The following GRK4 variants were observed in gnomAD, a reference collection of about 807,000 sequenced individuals.
GRK4 encodes G protein-coupled receptor kinase 4.
A neutral mutation model predicts 77.9 loss-of-function variants in GRK4; 73 were observed. The ratio of observed to expected loss-of-function variants is 0.94; its 90% CI spans 0.78 to 1.14. The LOEUF is 1.14. GRK4 is among the 50% of genes most tolerant of loss of function. GRK4 has a pLI of 0.00. For missense variants in GRK4, 729 were observed against 700.2 expected, an observed-to-expected ratio of 1.04 and a Z score of -0.46; for synonymous variants, 257 against 254.4, an observed-to-expected ratio of 1.01 and a Z score of -0.10.
Position 3,035,458 on chromosome 4 carries a change from G to A in GRK4, c.1342G>A (p.Val448Met), listed in dbSNP as rs547383255. 25 of 1,613,778 alleles carry A rather than the reference G, an allele frequency of 1.5e-5. No individual in the cohort carries two copies. In the East Asian group the frequency reaches 2.5e-4, roughly 16 times the overall value. The change falls in exon 13 of 16, where the codon GTG (valine) becomes ATG (methionine). Residue 448 changes from valine (V) to methionine (M), a missense_variant. By Grantham distance (21) the Val-to-Met change is conservative. Transcript: ENST00000398052. ...AGCGGCTGGGGTGAAGCAGCACCCC[G>A]TGTTCAAGGACATCAACTTCAGGAG... ...EGAAGVKQHP[V>M]FKDINFRRLE...
At chr4:3,020,198 G>T (rs1735679953) in intron 9 of GRK4, among the ~76,000 whole-genome samples, 1 of 152,026 alleles carries the variant, frequency 6.6e-6, no homozygotes, top group African/African-American at 2.4e-5. Context: ...AGAGATGGGG[G>T]TCTCACCATG....
chr4:2,974,902 G>A (rs745423683), intron 1 of GRK4, among the ~76,000 whole-genome samples: 3 of 152,214 alleles, frequency 2.0e-5, no homozygotes, highest in Non-Finnish European at 2.9e-5. Context: ...ATGGGAGTGC[G>A]TCTTGAGTTG....
chr4:3,029,596 AC>A (rs1464827098), intron 12 of GRK4, among the ~76,000 whole-genome samples, 187 bp downstream of exon 12: 1 of 152,120 alleles, frequency 6.6e-6, no homozygotes, highest in Non-Finnish European at 1.5e-5. Context: ...GCTCGGGTCC[AC>A]CTGTGTCTTG....
chr4:3,034,035 G>C (rs1027653620), intron 12 of GRK4, among the ~76,000 whole-genome samples: 3 of 152,228 alleles, frequency 2.0e-5, no homozygotes, highest in Non-Finnish European at 4.4e-5. Flanking sequence ...TAGCAGGACA[G>C]CCTGGCAATA....
intron 4 of GRK4, among the ~76,000 whole-genome samples, chr4:2,998,888 T>C (rs891817642): frequency 1.3e-5 from 2 of 152,128 alleles, no homozygotes; most frequent in African/African-American, 4.8e-5. Context: ...CTCATATGGA[T>C]AGTCAAGGGA....
intron 1 of GRK4, among the ~76,000 whole-genome samples, chr4:2,978,170 G>T: frequency 6.6e-6 from 1 of 152,268 alleles, no homozygotes; most frequent in Admixed American, 6.5e-5. Context: ...TCCATATTGA[G>T]TGGGAAGAAA....
chr4:2,976,885 C>T (rs1721370785), intron 1 of GRK4, among the ~76,000 whole-genome samples: 2 of 152,068 alleles, frequency 1.3e-5, no homozygotes, highest in Non-Finnish European at 2.9e-5. Context: ...GTGATCTGTC[C>T]ACCCCGGTCT....
At chr4:2,999,676 C>T (rs1202754978) in intron 4 of GRK4, among the ~76,000 whole-genome samples, 1 of 152,160 alleles carries the variant, frequency 6.6e-6, no homozygotes, top group African/African-American at 2.4e-5. Flanking sequence ...AACTATACAA[C>T]TCTTAGAGGA....
At chr4:2,992,360 G>A in intron 4 of GRK4, 68 bp downstream of exon 4, 1 of 1,052,030 alleles carries the variant, frequency 9.5e-7, no homozygotes. Flanking sequence ...TTTTTACTTT[G>A]TTAGATAAGA....
intron 1 of GRK4, among the ~76,000 whole-genome samples, chr4:2,976,631 C>CTTTTTTTTTTTTT (rs769469513): frequency 7.7e-5 from 9 of 117,342 alleles, no homozygotes; most frequent in African/African-American, 1.6e-4. Context: ...TTCTTTCTTT[C>CTTTTTTTTTTTTT]TTTTTTTTTT....
At chr4:2,983,296 C>G (rs1723356428) in intron 1 of GRK4, among the ~76,000 whole-genome samples, 1 of 152,166 alleles carries the variant, frequency 6.6e-6, no homozygotes, top group Non-Finnish European at 1.5e-5. Flanking sequence ...CCCTGGTTTC[C>G]TAATTCTTCC....
chr4:2,996,531 G>A (rs1340032386), intron 4 of GRK4, among the ~76,000 whole-genome samples: 2 of 151,998 alleles, frequency 1.3e-5, no homozygotes, highest in Non-Finnish European at 2.9e-5. Context: ...CTCCTGCCTG[G>A]GTGACAGAGC....
At chr4:3,037,534 G>A (rs372003680) in intron 14 of GRK4, 23 bp downstream of exon 14, 32 of 1,587,098 alleles carry the variant, frequency 2.0e-5, no homozygotes, top group South Asian at 1.8e-4. Flanking sequence ...CAGCACAGCC[G>A]CTTTACGTTA....
At chr4:3,038,266 G>A (rs1489533179) in intron 14 of GRK4, 110 bp from the exon 15 acceptor site, 1 of 1,366,900 alleles carries the variant, frequency 7.3e-7, no homozygotes, top group East Asian at 2.3e-5. Flanking sequence ...GGGTGCAGGA[G>A]CTCTGAGGTG....
intron 9 of GRK4, among the ~76,000 whole-genome samples, chr4:3,020,418 T>C (rs115129717): frequency 0.028 from 4,303 of 152,252 alleles, 76 homozygotes; most frequent in Middle Eastern, 0.041. Context: ...ATTTCCAAGG[T>C]TCTTAGGTAT....
intron 8 of GRK4, among the ~76,000 whole-genome samples, chr4:3,015,179 C>T (rs1428703673): frequency 1.3e-5 from 2 of 152,194 alleles, no homozygotes; most frequent in African/African-American, 4.8e-5. Flanking sequence ...TCTCCAAACC[C>T]AGTTTCTCTC....
intron 12 of GRK4, among the ~76,000 whole-genome samples, chr4:3,030,576 G>A (rs1193305901): frequency 3.9e-5 from 6 of 152,148 alleles, no homozygotes; most frequent in Admixed American, 6.5e-5. Flanking sequence ...ATGCATAGAC[G>A]TGTGGGCTGT....
At chr4:2,985,263 C>T (rs1385936436) in intron 2 of GRK4, among the ~76,000 whole-genome samples, 1 of 151,744 alleles carries the variant, frequency 6.6e-6, no homozygotes, top group East Asian at 2.0e-4. Flanking sequence ...TAGCTGGGTG[C>T]GGTGACGGGT....
chr4:3,001,089 A>ATATATATATGTGTGTG, intron 4 of GRK4, among the ~76,000 whole-genome samples: 8 of 82,428 alleles, frequency 9.7e-5, no homozygotes, highest in African/African-American at 2.9e-4. Context: ...ATATATATAT[A>ATATATATATGTGTGTG]TGTGTGTGTG....
Sources: gnomAD v4.1 joint callset for allele counts (sites outside exome capture counted in the v4.1 genomes callset) on GRCh38, gnomAD v4.1.1 for gene constraint, MANE v1.5 for transcripts, NCBI Gene and HGNC (gene_info 2026-07-23, HGNC 2026-07-21) for gene names.